EYA1: variants seen among roughly 807,000 people sequenced by gnomAD.
EYA1 encodes the protein protein phosphatase EYA1.
Under a neutral mutation model 82.0 loss-of-function variants are expected in EYA1, and 16 were observed. The ratio of observed to expected loss-of-function variants is 0.20; its 90% CI spans 0.13 to 0.30. EYA1 has a LOEUF of 0.30. Among genes scored for constraint, EYA1 ranks in the 10% least tolerant of loss-of-function variants. The pLI is 1.00. For missense variants in EYA1, 633 were observed against 730.7 expected, an observed-to-expected ratio of 0.87 and a Z score of 1.54; for synonymous variants, 261 against 264.4, an observed-to-expected ratio of 0.99 and a Z score of 0.12.
rs1315381748 is a variant in EYA1 at position 71,345,901 on chromosome 8, T to C, written c.124+8881A>G. On this transcript the variant is annotated intron_variant, in intron 3 of 17. Coordinates refer to ENST00000340726, the MANE Select transcript of EYA1 (RefSeq NM_000503.6). ...AGCTCCTGTACAGTTGAATCTAAAT[T>C]CTTGAACTTCATATCTGGAGCCCTT... Among the ~76,000 whole-genome samples the C allele has an allele frequency of 2.0e-5, 3 of 152,040 alleles. No homozygotes were observed. The East Asian group carries it at 5.8e-4, about 29-fold the overall frequency.
At chr8:71,345,929 T>C (rs1381950985) in intron 3 of EYA1, among the ~76,000 whole-genome samples, 1 of 152,110 alleles carries the variant, frequency 6.6e-6, no homozygotes, top group Non-Finnish European at 1.5e-5. Flanking sequence ...GAGCCCTTCA[T>C]CATCATCTTT....
At chr8:71,207,797 A>G (rs1808001178) in intron 17 of EYA1, among the ~76,000 whole-genome samples, 1 of 146,258 alleles carries the variant, frequency 6.8e-6, no homozygotes, top group East Asian at 3.5e-4. Context: ...CTAGGAAAGA[A>G]GGTTAAAAAA....
chr8:71,459,259 G>C (rs1287280382), intron 2 of EYA1, among the ~76,000 whole-genome samples: 1 of 152,174 alleles, frequency 6.6e-6, no homozygotes, highest in Non-Finnish European at 1.5e-5. Context: ...GTTGACGGTG[G>C]CCAAACTTTT....
intron 2 of EYA1, among the ~76,000 whole-genome samples, chr8:71,506,701 G>T (rs1221480552): frequency 2.0e-5 from 3 of 151,998 alleles, no homozygotes; most frequent in Non-Finnish European, 2.9e-5. Flanking sequence ...GTGGATCAAG[G>T]ATTCAAATGT....
chr8:71,305,819 C>T (rs947036930), intron 7 of EYA1, among the ~76,000 whole-genome samples: 2 of 151,956 alleles, frequency 1.3e-5, no homozygotes, highest in South Asian at 4.1e-4. Context: ...CCACTGCTGT[C>T]TTTTAAAGTT....
At chr8:71,374,564 A>C (rs11775363) in intron 2 of EYA1, among the ~76,000 whole-genome samples, 60,492 of 152,058 alleles carry the variant, frequency 0.4, 12,434 homozygotes, top group Non-Finnish European at 0.46. Flanking sequence ...TATTATGGAA[A>C]ACAGTGTGAA....
At chr8:71,427,305 G>A (rs1805307248) in intron 2 of EYA1, among the ~76,000 whole-genome samples, 1 of 152,130 alleles carries the variant, frequency 6.6e-6, no homozygotes. Flanking sequence ...TGTTTGGTTA[G>A]CTTATTATAT....
chr8:71,456,258 G>A (rs1370254800), intron 2 of EYA1, among the ~76,000 whole-genome samples: 1 of 151,998 alleles, frequency 6.6e-6, no homozygotes, highest in Non-Finnish European at 1.5e-5. Context: ...AAATAAAAGA[G>A]GACACAAACA....
At chr8:71,277,415 G>A (rs1036152600) in intron 9 of EYA1, among the ~76,000 whole-genome samples, 1 of 151,948 alleles carries the variant, frequency 6.6e-6, no homozygotes, top group Non-Finnish European at 1.5e-5. Flanking sequence ...GCCTCCCAAA[G>A]CACTAGGATT....
At chr8:71,266,181 C>T (rs1024124777) in intron 11 of EYA1, among the ~76,000 whole-genome samples, 3 of 152,190 alleles carry the variant, frequency 2.0e-5, no homozygotes, top group Admixed American at 2.0e-4. Flanking sequence ...CATTGTCAGG[C>T]ATTCATTCTT....
intron 2 of EYA1, among the ~76,000 whole-genome samples, chr8:71,428,959 C>T (rs989832837): frequency 6.6e-6 from 1 of 152,008 alleles, no homozygotes; most frequent in African/African-American, 2.4e-5. Context: ...ACCTGAATAC[C>T]CCAGAGGCCT....
chr8:71,425,059 G>A (rs1010182474), intron 2 of EYA1, among the ~76,000 whole-genome samples: 5 of 130,104 alleles, frequency 3.8e-5, no homozygotes, highest in Non-Finnish European at 7.7e-5. Context: ...AGGAGATCGA[G>A]ACTATCCTGG....
chr8:71,261,344 T>C (rs1275330853), intron 11 of EYA1, among the ~76,000 whole-genome samples: 1 of 152,146 alleles, frequency 6.6e-6, no homozygotes, highest in Non-Finnish European at 1.5e-5. Context: ...TACTTAGATA[T>C]GAAATATCAG....
intron 12 of EYA1, among the ~76,000 whole-genome samples, chr8:71,238,123 A>AT (rs1318042186): frequency 6.6e-6 from 1 of 151,938 alleles, no homozygotes; most frequent in Non-Finnish European, 1.5e-5. Flanking sequence ...CTTGTGTTTC[A>AT]TTCTTTCATT....
chr8:71,347,493 T>C (rs567725431), intron 3 of EYA1, among the ~76,000 whole-genome samples: 1 of 152,214 alleles, frequency 6.6e-6, no homozygotes, highest in African/African-American at 2.4e-5. Flanking sequence ...TGGATAATTT[T>C]TTGTATTTTT....
chr8:71,434,480 C>T (rs560368980), intron 2 of EYA1, among the ~76,000 whole-genome samples: 1 of 152,218 alleles, frequency 6.6e-6, no homozygotes, highest in East Asian at 1.9e-4. Flanking sequence ...ACTCCAAAAA[C>T]CTATTGACAT....
intron 2 of EYA1, among the ~76,000 whole-genome samples, chr8:71,453,194 A>G (rs1807542225): frequency 6.6e-6 from 1 of 152,220 alleles, no homozygotes; most frequent in African/African-American, 2.4e-5. Context: ...AATGAATGAA[A>G]TGAAGTGAGA....
Position 71,331,959 on chromosome 8 carries a change from A to T in EYA1, c.202+2138T>A, listed in dbSNP as rs377291317. Among the ~76,000 whole-genome samples the T allele has an allele frequency of 3.2e-3, 490 of 152,110 alleles. 3 individuals carry two copies. The highest frequency in any genetic ancestry group is 0.011 in the African/African-American group (474 of 41,518). On this transcript the variant is annotated intron_variant, in intron 4 of 17. Coordinates refer to ENST00000340726, the MANE Select transcript of EYA1 (RefSeq NM_000503.6). The stretch of plus-strand genomic sequence containing the variant: ...AACTCCTGGGCTCAAGTGATCTTCC[A>T]GTCTCAGCCTCCTTAGTAGCTGGGA...
In EYA1 at chr8:71,322,220, G is replaced by A; in HGVS notation, c.251C>T (p.Pro84Leu). The change falls in exon 5 of 18, where the codon CCA becomes CTA. Residue 84 changes from proline to leucine, a missense_variant. Coordinates refer to ENST00000340726, the MANE Select transcript of EYA1 (RefSeq NM_000503.6). ...TTACTTGGAAGGGTAAATCTGTGGT[G>A]GAGAGAACTGGTGAGTTGGTCGTGG... ...FSPRPTHQFSPPQIYPSNRPY... is the reference protein window; with the variant it reads ...FSPRPTHQFSLPQIYPSNRPY... The A allele has an allele frequency of 1.2e-6, 2 of 1,613,854 alleles. No homozygotes were observed. The highest frequency in any genetic ancestry group is 1.7e-6 in the Non-Finnish European group (2 of 1,179,744).
Sources: allele counts gnomAD v4.1 joint callset (sites outside exome capture counted in the v4.1 genomes callset), GRCh38; gene constraint gnomAD v4.1.1; transcripts MANE v1.5; gene names NCBI Gene and HGNC (gene_info 2026-07-23, HGNC 2026-07-21).